PARD3B: variants seen among roughly 807,000 people sequenced by gnomAD.
The protein encoded by PARD3B is partitioning defective 3 homolog B.
Under a neutral mutation model 130.2 loss-of-function variants are expected in PARD3B, and 103 were observed. The observed-to-expected ratio is 0.79, with a 90% CI of 0.67 to 0.93. The LOEUF is 0.93. PARD3B is among the 40% of genes least tolerant of loss of function. PARD3B has a pLI of 0.00. For missense variants in PARD3B, 1,609 were observed against 1,499.2 expected (o/e 1.07, Z -1.21); for synonymous variants, 583 against 553.2 (o/e 1.05, Z -0.76).
At position 205,298,981 on chromosome 2, in the gene PARD3B, TA is replaced by T. The variant is rs1166197937; in HGVS notation, c.2186-1545del. Among the ~76,000 whole-genome samples, 3 of 152,302 alleles carry T rather than the reference TA, an allele frequency of 2.0e-5. No individual in the cohort carries two copies. In the East Asian group the frequency reaches 5.8e-4, roughly 29 times the overall value. ...AATTTCTGAATCTGTAAAATGGGGC[TA>T]AAAGTAGTACCAGTAGCACAACTAT... On this transcript the variant is annotated intron_variant, in intron 16 of 22. Coordinates refer to ENST00000406610, the MANE Select transcript of PARD3B (RefSeq NM_001302769.2).
At chr2:205,023,324 G>A (rs1157706188) in intron 3 of PARD3B, among the ~76,000 whole-genome samples, 1 of 152,104 alleles carries the variant, frequency 6.6e-6, no homozygotes, top group Non-Finnish European at 1.5e-5. Context: ...ATTGTACGTG[G>A]CAGCAATGCT....
At chr2:205,103,664 A>G (rs1702988646) in intron 4 of PARD3B, 30 of 960,764 alleles carry the variant, frequency 3.1e-5, no homozygotes, top group Non-Finnish European at 3.7e-5. Flanking sequence ...ACAGGTATCC[A>G]CAGGATTCCC....
intron 1 of PARD3B, among the ~76,000 whole-genome samples, chr2:204,576,735 C>G (rs2032280464): frequency 6.6e-6 from 1 of 152,144 alleles, no homozygotes; most frequent in Non-Finnish European, 1.5e-5. Context: ...CATTTGGTTT[C>G]CCAGGGGTGG....
chr2:205,252,095 T>G (rs1364429417), intron 16 of PARD3B, among the ~76,000 whole-genome samples: 2 of 152,160 alleles, frequency 1.3e-5, no homozygotes, highest in Non-Finnish European at 2.9e-5. Context: ...TCTGTAAAAT[T>G]CAATGAATTA....
chr2:205,179,398 C>G (rs1406014452), intron 13 of PARD3B, among the ~76,000 whole-genome samples: 3 of 152,170 alleles, frequency 2.0e-5, no homozygotes, highest in East Asian at 3.9e-4. Context: ...ATTTACTCAT[C>G]CTCACTCACT....
At chr2:205,381,022 T>TAATATCTAAA (rs1559035336) in intron 18 of PARD3B, among the ~76,000 whole-genome samples, 1 of 37,630 alleles carries the variant, frequency 2.7e-5, no homozygotes, top group African/African-American at 7.8e-5. Context: ...AGAATATATA[T>TAATATCTAAA]GATATATTAT....
At chr2:204,839,104 A>G (rs1407642253) in intron 2 of PARD3B, among the ~76,000 whole-genome samples, 1 of 152,176 alleles carries the variant, frequency 6.6e-6, no homozygotes, top group Non-Finnish European at 1.5e-5. Context: ...TTTGATTTTA[A>G]GAAGGGAGTT....
chr2:205,201,512 G>A (rs552513620), intron 15 of PARD3B, among the ~76,000 whole-genome samples: 18 of 152,240 alleles, frequency 1.2e-4, no homozygotes, highest in Middle Eastern at 3.4e-3. Flanking sequence ...TTTATTTTTT[G>A]TTAGAGTATT....
intron 22 of PARD3B, among the ~76,000 whole-genome samples, chr2:205,596,607 G>T (rs1387807618): frequency 6.6e-6 from 1 of 152,170 alleles, no homozygotes; most frequent in East Asian, 1.9e-4. Flanking sequence ...TTAATAGAGA[G>T]AAGCCAAAAG....
Position 205,585,633 on chromosome 2 carries a change from G to A in PARD3B, c.3261-29823G>A, listed in dbSNP as rs1014670598. Among the ~76,000 whole-genome samples the A allele has an allele frequency of 3.3e-5, 5 of 152,102 alleles. No individual in the cohort carries two copies. The highest frequency in any genetic ancestry group is 2.6e-4 in the Admixed American group (4 of 15,272). On this transcript the variant is annotated intron_variant, in intron 22 of 22. Transcript: ENST00000406610. This position sits in a 1 kb window ranked among gnomAD's most constrained non-coding sequence, Gnocchi z 5.4. ...CTCCTAACAGCTGAAACAACAAAGC[G>A]GGACATGGAAACATGTTCACTTACA...
chr2:205,344,138 AT>A (rs1217767285), intron 18 of PARD3B, among the ~76,000 whole-genome samples: 1 of 151,714 alleles, frequency 6.6e-6, no homozygotes, highest in Non-Finnish European at 1.5e-5. Context: ...TATATATTTT[AT>A]CATGGGAGAT....
chr2:204,786,792 A>T (rs1448784847), intron 2 of PARD3B, among the ~76,000 whole-genome samples: 2 of 151,706 alleles, frequency 1.3e-5, no homozygotes, highest in East Asian at 3.9e-4. Flanking sequence ...ATGCAATGAG[A>T]AACCGTATTC....
At chr2:205,286,305 AATAG>A (rs1199844699) in intron 16 of PARD3B, among the ~76,000 whole-genome samples, 1 of 152,196 alleles carries the variant, frequency 6.6e-6, no homozygotes, top group Non-Finnish European at 1.5e-5. Context: ...TACATGAGTT[AATAG>A]ATATATATAA....
chr2:204,994,605 G>A (rs1458358351), intron 3 of PARD3B, among the ~76,000 whole-genome samples: 1 of 151,474 alleles, frequency 6.6e-6, no homozygotes, highest in Non-Finnish European at 1.5e-5. Flanking sequence ...TCCGCTTGGT[G>A]CAGAGCTGAG....
At chr2:204,804,151 C>A (rs2042679499) in intron 2 of PARD3B, among the ~76,000 whole-genome samples, 1 of 152,118 alleles carries the variant, frequency 6.6e-6, no homozygotes, top group Non-Finnish European at 1.5e-5. Context: ...ATGGCTGAAG[C>A]CCATGAGGTG....
intron 19 of PARD3B, among the ~76,000 whole-genome samples, chr2:205,425,495 C>T (rs1414339771): frequency 6.8e-6 from 1 of 148,008 alleles, no homozygotes; most frequent in East Asian, 2.0e-4. Context: ...AAAAATGCAA[C>T]TCGTAGGTAG....
At chr2:204,620,928 A>G (rs766632464) in intron 1 of PARD3B, among the ~76,000 whole-genome samples, 4 of 152,204 alleles carry the variant, frequency 2.6e-5, no homozygotes, top group Non-Finnish European at 5.9e-5. Context: ...ATCTACACTT[A>G]TAGCAAGTTA....
chr2:205,009,340 T>C (rs898909298), intron 3 of PARD3B, among the ~76,000 whole-genome samples: 4 of 152,168 alleles, frequency 2.6e-5, no homozygotes, highest in African/African-American at 7.2e-5. Flanking sequence ...ACCAAGAAAG[T>C]ATGTTAATCA....
intron 2 of PARD3B, among the ~76,000 whole-genome samples, chr2:204,801,310 G>A (rs1225683000): frequency 6.6e-6 from 1 of 152,122 alleles, no homozygotes; most frequent in Non-Finnish European, 1.5e-5. Flanking sequence ...TGGGCAGTAT[G>A]GCCATTTTCA....
Sources: gnomAD v4.1 joint callset for allele counts (sites outside exome capture counted in the v4.1 genomes callset) on GRCh38, gnomAD v4.1.1 for gene constraint, Gnocchi (gnomAD v3.1) non-coding constraint, MANE v1.5 for transcripts, NCBI Gene and HGNC (gene_info 2026-07-23, HGNC 2026-07-21) for gene names.